DRC9: variants seen among roughly 807,000 people sequenced by gnomAD.
The protein encoded by DRC9 is dynein regulatory complex protein 9.
At chr3:197,900,186 G>A in the DRC9 span, among the ~76,000 whole-genome samples, 895 of 152,270 alleles carry the variant, frequency 5.9e-3, 5 homozygotes, top group African/African-American at 0.017. The surrounding 1 kb of genome is among the most constrained non-coding windows in gnomAD (Gnocchi z 4.7). Context: ...CTTGAAAGGC[G>A]GTCTAGGCCA....
the DRC9 span, chr3:197,955,883 T>A: frequency 3.2e-6 from 3 of 951,924 alleles, no homozygotes; most frequent in Non-Finnish European, 5.1e-6. Flanking sequence ...ATGATAGAGG[T>A]TGCTCAGCAT....
At chr3:197,956,624 G>GTTTTTTTGTTTTT in the DRC9 span, 7 of 135,190 alleles carry the variant, frequency 5.2e-5, no homozygotes, top group Admixed American at 2.2e-4. Flanking sequence ...TTGCTGTATG[G>GTTTTTTTGTTTTT]TTTTTTTTTT....
the DRC9 span, among the ~76,000 whole-genome samples, chr3:197,890,001 G>A: frequency 2.0e-5 from 3 of 152,150 alleles, no homozygotes; most frequent in Non-Finnish European, 4.4e-5. Context: ...TCCTTATACT[G>A]CTTTCCTTGA....
the DRC9 span, chr3:197,891,671 G>GA: frequency 4.4e-6 from 2 of 455,022 alleles, no homozygotes; most frequent in Non-Finnish European, 7.8e-6. Flanking sequence ...ATAAACCAAA[G>GA]AAAAAAATGT....
At chr3:197,927,506 G>A in the DRC9 span, among the ~76,000 whole-genome samples, 1 of 152,184 alleles carries the variant, frequency 6.6e-6, no homozygotes, top group East Asian at 1.9e-4. Flanking sequence ...GATTACAGGT[G>A]TGAGCCACTG....
At chr3:197,955,672 T>G in the DRC9 span, 121 of 1,241,110 alleles carry the variant, frequency 9.7e-5, 1 homozygote, top group Middle Eastern at 1.6e-3. Context: ...TTTCAGAGAT[T>G]TATCCGTATT....
the DRC9 span, chr3:197,953,347 G>C: frequency 2.3e-6 from 1 of 435,338 alleles, no homozygotes. Flanking sequence ...CTGTACTGCA[G>C]CCTGGGTGAC....
At chr3:197,925,978 G>C in the DRC9 span, 1 of 941,430 alleles carries the variant, frequency 1.1e-6, no homozygotes, top group Non-Finnish European at 1.8e-6. Context: ...ATATTTAATA[G>C]CTGTGTTAGC....
chr3:197,916,295 T>TGTC, the DRC9 span: 1 of 156,340 alleles, frequency 6.4e-6, no homozygotes, highest in Non-Finnish European at 1.4e-5. Context: ...TTGTTGTTGT[T>TGTC]GTTTTTGAGA....
the DRC9 span, among the ~76,000 whole-genome samples, chr3:197,931,342 C>T: frequency 6.7e-4 from 101 of 151,846 alleles, no homozygotes; most frequent in Admixed American, 1.4e-3. Context: ...ATTAGCCAGG[C>T]GTGGTGGCAG....
At chr3:197,942,085 G>A in the DRC9 span, among the ~76,000 whole-genome samples, 4 of 152,120 alleles carry the variant, frequency 2.6e-5, no homozygotes, top group Admixed American at 2.6e-4. Context: ...AGCTCTGGAA[G>A]GGATCTATGG....
the DRC9 span, chr3:197,914,077 T>TA: frequency 1.9e-6 from 3 of 1,573,070 alleles, no homozygotes; most frequent in Non-Finnish European, 2.6e-6. Flanking sequence ...AAATTGAAAA[T>TA]ACATTCTACC....
At chr3:197,947,490 T>A in the DRC9 span, among the ~76,000 whole-genome samples, 1 of 152,198 alleles carries the variant, frequency 6.6e-6, no homozygotes, top group Non-Finnish European at 1.5e-5. Context: ...CCAGCCACAG[T>A]GGGCTTCTTT....
the DRC9 span, among the ~76,000 whole-genome samples, chr3:197,910,068 T>C: frequency 2.6e-5 from 4 of 152,170 alleles, no homozygotes; most frequent in Non-Finnish European, 5.9e-5. Context: ...AAGAAATACA[T>C]GTGGAAGAAA....
At chr3:197,938,431 A>C in the DRC9 span, 4 of 731,158 alleles carry the variant, frequency 5.5e-6, no homozygotes, top group East Asian at 9.9e-5. Context: ...CTCAGCAGTC[A>C]TTTTGCATAC....
At chr3:197,909,168 G>A in the DRC9 span, among the ~76,000 whole-genome samples, 64 of 152,186 alleles carry the variant, frequency 4.2e-4, 1 homozygote, top group Non-Finnish European at 4.7e-4. Flanking sequence ...GCATGACTAT[G>A]ACAAACTCAT....
At chr3:197,890,967 A>G in the DRC9 span, among the ~76,000 whole-genome samples, 1 of 152,218 alleles carries the variant, frequency 6.6e-6, no homozygotes, top group Non-Finnish European at 1.5e-5. Flanking sequence ...GTGACCTGCC[A>G]GTTTCATCAT....
At chr3:197,948,866 C>T in the DRC9 span, among the ~76,000 whole-genome samples, 1 of 152,156 alleles carries the variant, frequency 6.6e-6, no homozygotes, top group African/African-American at 2.4e-5. Flanking sequence ...TGTTTACACA[C>T]CATCACCTCT....
chr3:197,897,953 T>C, the DRC9 span, among the ~76,000 whole-genome samples: 1 of 150,536 alleles, frequency 6.6e-6, no homozygotes, highest in South Asian at 2.1e-4. Context: ...TTTTTTTTTT[T>C]TGTATTTTTA....
Sources: allele counts gnomAD v4.1 joint callset (sites outside exome capture counted in the v4.1 genomes callset), GRCh38; gene constraint gnomAD v4.1.1; non-coding constraint Gnocchi (gnomAD v3.1); transcripts MANE v1.5; gene names NCBI Gene and HGNC (gene_info 2026-07-23, HGNC 2026-07-21).